KAT2B: variants seen among roughly 807,000 people sequenced by gnomAD.
The protein encoded by KAT2B is lysine acetyltransferase 2B.
In KAT2B, 36 loss-of-function variants were observed where a neutral mutation model predicts 105.9. The ratio of observed to expected loss-of-function variants is 0.34; its 90% CI spans 0.26 to 0.45. The LOEUF (loss-of-function observed/expected upper bound fraction) is 0.45, where lower values mean the gene tolerates loss of function less well. KAT2B is among the 20% of genes least tolerant of loss of function. The probability of loss-of-function intolerance (pLI) is 1.00; values close to 1 mark genes in which losing one functional copy is unlikely to be tolerated. For synonymous variants in KAT2B, 397 were observed against 377.9 expected, an observed-to-expected ratio of 1.05 and a Z score of -0.59; for missense variants, 820 against 1,021.6, an observed-to-expected ratio of 0.80 and a Z score of 2.69.
intron 5 of KAT2B, among the ~76,000 whole-genome samples, chr3:20,102,501 A>G (rs557162117): frequency 6.6e-6 from 1 of 152,216 alleles, no homozygotes; most frequent in Non-Finnish European, 1.5e-5. Flanking sequence ...CACAGGTTAC[A>G]TTATAGTCCA....
chr3:20,138,125 T>A (rs1699634353), intron 12 of KAT2B, among the ~76,000 whole-genome samples: 1 of 152,212 alleles, frequency 6.6e-6, no homozygotes, highest in South Asian at 2.1e-4. Flanking sequence ...GTAGAAAATG[T>A]AATAAAGCAA....
chr3:20,099,781 C>G, intron 3 of KAT2B, 81 bp from the exon 4 acceptor site: 2 of 697,200 alleles, frequency 2.9e-6, no homozygotes, highest in East Asian at 2.6e-5. Flanking sequence ...GAGAGACAGA[C>G]AGAAACAGAA....
At chr3:20,086,180 G>A (rs1015645311) in intron 2 of KAT2B, among the ~76,000 whole-genome samples, 6 of 152,176 alleles carry the variant, frequency 3.9e-5, no homozygotes, top group African/African-American at 1.4e-4. Flanking sequence ...ACTGAGGTGG[G>A]AGGATTACCT....
chr3:20,139,059 AT>A (rs11391032), intron 12 of KAT2B, among the ~76,000 whole-genome samples: 26 of 147,014 alleles, frequency 1.8e-4, no homozygotes, highest in Admixed American at 2.7e-4. Flanking sequence ...ATGCCCAGCA[AT>A]TTTTTTTTTT....
At chr3:20,123,370 T>C (rs540694916) in intron 9 of KAT2B, among the ~76,000 whole-genome samples, 34 of 152,320 alleles carry the variant, frequency 2.2e-4, no homozygotes, top group Non-Finnish European at 4.0e-4. Flanking sequence ...GGTTACAATA[T>C]TTTCTAATAC....
chr3:20,098,752 C>A (rs1480650935), intron 3 of KAT2B, among the ~76,000 whole-genome samples: 2 of 152,150 alleles, frequency 1.3e-5, no homozygotes, highest in African/African-American at 4.8e-5. Flanking sequence ...AATGACTTAT[C>A]TTTATTGCTA....
chr3:20,082,373 T>G (rs2125188039), intron 2 of KAT2B, among the ~76,000 whole-genome samples: 1 of 152,278 alleles, frequency 6.6e-6, no homozygotes, highest in Middle Eastern at 3.4e-3. Context: ...ATTACCAACT[T>G]TAGTAAATTT....
chr3:20,109,122 C>G (rs190944795), intron 5 of KAT2B, among the ~76,000 whole-genome samples: 1 of 152,106 alleles, frequency 6.6e-6, no homozygotes, highest in Non-Finnish European at 1.5e-5. Flanking sequence ...AATGTATTCC[C>G]GTTGTTAAGC....
At chr3:20,100,199 C>G (rs542606262) in intron 4 of KAT2B, among the ~76,000 whole-genome samples, 1 of 152,232 alleles carries the variant, frequency 6.6e-6, no homozygotes, top group East Asian at 1.9e-4. Flanking sequence ...GGAAGAAAAA[C>G]ATTAAGTAGA....
chr3:20,054,593 G>A (rs540367661), intron 1 of KAT2B, among the ~76,000 whole-genome samples: 4 of 152,176 alleles, frequency 2.6e-5, no homozygotes, highest in Non-Finnish European at 5.9e-5. Flanking sequence ...GTCCCCATGC[G>A]TTGTGTACTC....
chr3:20,052,661 G>GA (rs199840608), intron 1 of KAT2B, among the ~76,000 whole-genome samples: 3,443 of 134,290 alleles, frequency 0.026, 64 homozygotes, highest in African/African-American at 0.055. Flanking sequence ...TTAAAAAAAA[G>GA]AAAAAAAAAA....
intron 2 of KAT2B, among the ~76,000 whole-genome samples, chr3:20,078,662 G>A (rs975203956): frequency 1.3e-5 from 2 of 150,784 alleles, no homozygotes; most frequent in Non-Finnish European, 3.0e-5. Context: ...TACAGCTACC[G>A]CACCCTTCAT....
At chr3:20,078,535 G>A (rs1559304180) in intron 2 of KAT2B, among the ~76,000 whole-genome samples, 1 of 150,990 alleles carries the variant, frequency 6.6e-6, no homozygotes, top group Non-Finnish European at 1.5e-5. Context: ...AACATGCCCA[G>A]CTAATTTTTT....
chr3:20,042,369 G>C (rs1177169147), intron 1 of KAT2B, among the ~76,000 whole-genome samples: 3 of 152,226 alleles, frequency 2.0e-5, no homozygotes, highest in Non-Finnish European at 4.4e-5. Flanking sequence ...AAGGGCATTA[G>C]ACGAATGAGA....
chr3:20,061,828 T>TAGATA (rs1698106967), intron 1 of KAT2B, among the ~76,000 whole-genome samples: 1 of 85,858 alleles, frequency 1.2e-5, no homozygotes, highest in South Asian at 3.1e-4. Context: ...AAGTATATAA[T>TAGATA]ATATAATATA....
At chr3:20,069,699 T>A (rs1485256441) in intron 1 of KAT2B, among the ~76,000 whole-genome samples, 1 of 151,916 alleles carries the variant, frequency 6.6e-6, no homozygotes, top group Non-Finnish European at 1.5e-5. Context: ...CTAATTTTTG[T>A]ATTTTTAGTA....
At chr3:20,090,488 A>G (rs950943086) in intron 2 of KAT2B, among the ~76,000 whole-genome samples, 2 of 152,132 alleles carry the variant, frequency 1.3e-5, no homozygotes, top group African/African-American at 2.4e-5. Context: ...TCATTCTGTT[A>G]ATTTGCTGTA....
At chr3:20,145,386 A>G (rs1325840664) in intron 13 of KAT2B, among the ~76,000 whole-genome samples, 1 of 152,134 alleles carries the variant, frequency 6.6e-6, no homozygotes, top group Non-Finnish European at 1.5e-5. Flanking sequence ...TTTAACTGTT[A>G]GGATTACATA....
chr3:20,094,254 G>GGA (rs1241402771), intron 2 of KAT2B, among the ~76,000 whole-genome samples: 2 of 152,188 alleles, frequency 1.3e-5, no homozygotes, highest in East Asian at 3.9e-4. Flanking sequence ...CATGGCAGCA[G>GGA]GAGAGAGAGA....
Sources: allele counts gnomAD v4.1 joint callset (sites outside exome capture counted in the v4.1 genomes callset), GRCh38; gene constraint gnomAD v4.1.1; transcripts MANE v1.5; gene names NCBI Gene and HGNC (gene_info 2026-07-23, HGNC 2026-07-21).